Variants in ADAM11 observed in about 807,000 individuals in gnomAD.
The protein encoded by ADAM11 is disintegrin and metalloproteinase domain-containing protein 11.
In ADAM11, 49 loss-of-function variants were observed where a neutral mutation model predicts 119.1. The ratio of observed to expected loss-of-function variants is 0.41; its 90% confidence interval spans 0.33 to 0.52. ADAM11 has a LOEUF of 0.52. Ranked by LOEUF, ADAM11 falls within the 20% of genes least tolerant of loss-of-function variation. The pLI is 0.20. For missense variants in ADAM11, 777 were observed against 1,047.5 expected (o/e 0.74, Z 3.56); for synonymous variants, 364 against 408.0 (o/e 0.89, Z 1.30).
chr17:44,778,963 C>G (rs540350137), intron 25 of ADAM11, among the ~76,000 whole-genome samples: 4 of 152,192 alleles, frequency 2.6e-5, no homozygotes, highest in African/African-American at 9.6e-5. Context: ...TGGTCTAACC[C>G]CCTTAATGTG....
chr17:44,776,305 C>A lies in ADAM11; in HGVS notation c.1566+98C>A. The A allele has an allele frequency of 1.5e-6, 2 of 1,321,424 alleles. No homozygotes were observed. Among genetic ancestry groups the A allele is most frequent in the Non-Finnish European group, 2.2e-6 (2 of 929,146 alleles). The allele number at this position is 1,321,424 out of a possible 1,614,324, so 81.9% of individuals were successfully genotyped here. On this transcript the variant is annotated intron_variant, in intron 18 of 26. Transcript: ENST00000200557. The surrounding 1 kb of genome is among the most constrained non-coding windows in gnomAD (Gnocchi z 5.2). The stretch of plus-strand genomic sequence containing the variant: ...GACGAGTGCTCAGCACTCCCCTCCT[C>A]TCCACAGCTGGCATCGACCTCCACT...
At position 44,773,272 on chromosome 17, in the gene ADAM11, G is replaced by A. The variant is rs1010520122; in HGVS notation, c.837G>A (p.Glu279=). The A allele has an allele frequency of 6.2e-7, 1 of 1,613,838 alleles. No homozygotes were observed. The highest frequency in any genetic ancestry group is 8.5e-7 in the Non-Finnish European group (1 of 1,179,910). ...CATCTTCTCCCCAGATATACAAGGA[G>A]CAGCTCAACACTCGCATCGTCCTGG... The part of the protein sequence containing the change: ...VVNLADVIYK[E]QLNTRIVLVA... Residue 279 remains glutamate, a synonymous_variant, in exon 11 of 27, where the codon GAG becomes GAA. Coordinates refer to ENST00000200557, the MANE Select transcript of ADAM11 (RefSeq NM_002390.6). This position sits in a 1 kb window ranked among gnomAD's most constrained non-coding sequence, Gnocchi z 4.6.
chr17:44,764,005 C>T (rs546439052), intron 2 of ADAM11, among the ~76,000 whole-genome samples: 1 of 152,312 alleles, frequency 6.6e-6, no homozygotes, highest in Non-Finnish European at 1.5e-5. Context: ...GTGTGAGCCA[C>T]CTCACCCGGT....
intron 2 of ADAM11, among the ~76,000 whole-genome samples, chr17:44,763,299 G>A (rs2049410719): frequency 1.3e-5 from 2 of 152,232 alleles, no homozygotes; most frequent in African/African-American, 4.8e-5. Context: ...AACAGGCACA[G>A]AGAGGCAACG....
chr17:44,776,835 C>T lies in ADAM11; in HGVS notation c.1617+40C>T. Reference sequence around the variant, plus strand: ...CCCTGAGCCTGGGATTCAGGGCAGTCTCTTGTCTCCACTCTGACCACTCAG... The same window carrying T: ...CCCTGAGCCTGGGATTCAGGGCAGTTTCTTGTCTCCACTCTGACCACTCAG... On this transcript the variant is annotated intron_variant, in intron 19 of 26. Transcript: ENST00000200557. This position sits in a 1 kb window ranked among gnomAD's most constrained non-coding sequence, Gnocchi z 5.2. 2 of 1,614,024 alleles carry T rather than the reference C, an allele frequency of 1.2e-6. No individual in the cohort carries two copies. The highest frequency in any genetic ancestry group is 1.1e-5 in the South Asian group (1 of 91,076).
chr17:44,769,692 T>TC (rs1242068498), intron 2 of ADAM11, 26 bp from the exon 3 acceptor site: 3 of 1,563,684 alleles, frequency 1.9e-6, no homozygotes, highest in East Asian at 2.2e-5. Context: ...CTGGGTTGAC[T>TC]CCCCCTCTGC....
At chr17:44,764,091 T>A (rs2049420174) in intron 2 of ADAM11, among the ~76,000 whole-genome samples, 1 of 152,034 alleles carries the variant, frequency 6.6e-6, no homozygotes, top group Non-Finnish European at 1.5e-5. Flanking sequence ...CCAGACTCCT[T>A]GGGAACAAGG....
chr17:44,763,865 CA>C (rs2049417586), intron 2 of ADAM11, among the ~76,000 whole-genome samples: 1 of 151,972 alleles, frequency 6.6e-6, no homozygotes, highest in Non-Finnish European at 1.5e-5. Context: ...TACAGGCGTG[CA>C]CCACCACTTC....
Position 44,776,180 on chromosome 17 carries a change from G to T in ADAM11, c.1539G>T (p.Ala513=). 1.2e-6 allele frequency: 2 copies of T among 1,613,508 alleles called. No homozygotes were observed. Among genetic ancestry groups the T allele is most frequent in the Non-Finnish European group, 1.7e-6 (2 of 1,179,930 alleles). ...AGGCCGTGAACGAGTGCGACATCGCGGAGACCTGCACCGGGGACTCTAGCC... is the reference window on the plus strand; with the variant it reads ...AGGCCGTGAACGAGTGCGACATCGCTGAGACCTGCACCGGGGACTCTAGCC... ...CREAVNECDI[A]ETCTGDSSQC... is the part of the protein sequence containing the mutation. The change falls in exon 18 of 27, where the codon GCG becomes GCT. Residue 513 remains alanine (A), a synonymous_variant. Transcript: ENST00000200557. The surrounding 1 kb of genome is among the most constrained non-coding windows in gnomAD (Gnocchi z 5.2).
Position 44,777,309 on chromosome 17 carries a change from G to A in ADAM11, c.1781+44G>A, listed in dbSNP as rs768025079. On this transcript the variant is annotated intron_variant, in intron 21 of 26. Coordinates refer to ENST00000200557, the MANE Select transcript of ADAM11 (RefSeq NM_002390.6). The surrounding 1 kb of genome is among the most constrained non-coding windows in gnomAD (Gnocchi z 5.1). ...AGAGGGCCTCTCAGCTCCAGGGCAG[G>A]TGTGAGACTTTTCAGAGATGGGGCA... 4 of 1,568,064 alleles carry A rather than the reference G, an allele frequency of 2.6e-6. 1 individual carries two copies. The South Asian group carries it at 4.6e-5, about 18-fold the overall frequency.
Position 44,759,278 on chromosome 17 carries a change from G to T in ADAM11, c.61+18G>T. On this transcript the variant is annotated intron_variant, in intron 1 of 26. Transcript: ENST00000200557. Reference sequence around the variant, plus strand: ...CACGCCCGGTGAGTGACCCCCGCCCGGCCCCGGCGCCCCCTCCCTGCCCCC... The same window carrying T: ...CACGCCCGGTGAGTGACCCCCGCCCTGCCCCGGCGCCCCCTCCCTGCCCCC... The T allele has an allele frequency of 7.3e-7, 1 of 1,371,560 alleles. No homozygotes were observed. Among genetic ancestry groups the T allele is most frequent in the South Asian group, 1.6e-5 (1 of 61,958 alleles). 85.0% of individuals were successfully genotyped at this position (1,371,560 alleles called of 1,614,324 possible).
In ADAM11 at chr17:44,772,603, A is replaced by G; in HGVS notation, c.678+137A>G. 8.2e-7 allele frequency: 1 copy of G among 1,221,074 alleles called. No individual in the cohort carries two copies. Among genetic ancestry groups the G allele is most frequent in the Non-Finnish European group, 1.1e-6 (1 of 878,450 alleles). 75.6% of individuals were successfully genotyped at this position (1,221,074 alleles called of 1,614,324 possible). The stretch of plus-strand genomic sequence containing the variant: ...GCTCAGATGGATGTGGCTGGGGGCC[A>G]GGGACCGTGTCTGGGAGAAGCCCCC... On this transcript the variant is annotated intron_variant, in intron 8 of 26. Coordinates refer to ENST00000200557, the MANE Select transcript of ADAM11 (RefSeq NM_002390.6). This position sits in a 1 kb window ranked among gnomAD's most constrained non-coding sequence, Gnocchi z 4.5.
intron 3 of ADAM11, 91 bp downstream of exon 3, chr17:44,769,885 C>A (rs2049497252): frequency 2.5e-6 from 4 of 1,603,240 alleles, no homozygotes; most frequent in Non-Finnish European, 3.4e-6. Flanking sequence ...GGGGGTTGGG[C>A]CTGGGCAGAG....
chr17:44,764,142 G>A (rs550366218), intron 2 of ADAM11, among the ~76,000 whole-genome samples: 2 of 152,302 alleles, frequency 1.3e-5, no homozygotes, highest in African/African-American at 4.8e-5. Flanking sequence ...TCAGGGGTGA[G>A]GAGGTCGCAG....
Position 44,773,646 on chromosome 17 carries a change from T to G in ADAM11, c.992+219T>G, listed in dbSNP as rs868306231. ...TTAGCCCTGGTGGTCCTCTTCTGCCTCTCACCTCCCCTTAGTTCTGTCTTT... is the reference window on the plus strand; with the variant it reads ...TTAGCCCTGGTGGTCCTCTTCTGCCGCTCACCTCCCCTTAGTTCTGTCTTT... On this transcript the variant is annotated intron_variant, in intron 11 of 26. Transcript: ENST00000200557. This position sits in a 1 kb window ranked among gnomAD's most constrained non-coding sequence, Gnocchi z 4.6. Among the ~76,000 whole-genome samples the G allele has an allele frequency of 8.5e-5, 13 of 152,122 alleles. No individual in the cohort carries two copies. Among genetic ancestry groups the G allele is most frequent in the South Asian group, 2.1e-4 (1 of 4,826 alleles).
chr17:44,771,919 G>T (rs2049529404), intron 6 of ADAM11, 88 bp downstream of exon 6: 2 of 1,453,400 alleles, frequency 1.4e-6, no homozygotes, highest in South Asian at 2.5e-5. Context: ...TTCCTCCTCC[G>T]GCTCCTCCCT....
Position 44,771,640 on chromosome 17 carries a change from C to G in ADAM11, c.438C>G (p.Phe146Leu). The G allele has an allele frequency of 6.2e-7, 1 of 1,611,368 alleles. No homozygotes were observed. Among genetic ancestry groups the G allele is most frequent in the African/African-American group, 1.3e-5 (1 of 74,896 alleles). The change falls in exon 5 of 27, where the codon TTC (phenylalanine) becomes TTG (leucine). Residue 146 changes from phenylalanine (F) to leucine (L), a missense_variant. Physicochemically the swap from Phe to Leu is conservative, Grantham distance 22. This residue lies in a region of ADAM11 where 278 missense variants were observed against 310.1 expected (regional missense o/e 0.90). Transcript: ENST00000200557. ...AGCTCCGGGGGAACCCGCACTCCTT[C>G]GCCGCCCTCTCCACCTGCCAGGGGC... is the stretch of plus-strand genomic sequence containing the variant. ...QGKLRGNPHS[F>L]AALSTCQGLH... is the part of the protein sequence containing the mutation.
At position 44,773,500 on chromosome 17, in the gene ADAM11, C is replaced by T. The variant is rs907098928; in HGVS notation, c.992+73C>T. Reference sequence around the variant, plus strand: ...AGTGCTTGGGATTACTTAACACCTGCCCTGTGCTGGCTGCTCCTCTCAGAG... The same window carrying T: ...AGTGCTTGGGATTACTTAACACCTGTCCTGTGCTGGCTGCTCCTCTCAGAG... On this transcript the variant is annotated intron_variant, in intron 11 of 26. Coordinates refer to ENST00000200557, the MANE Select transcript of ADAM11 (RefSeq NM_002390.6). This position sits in a 1 kb window ranked among gnomAD's most constrained non-coding sequence, Gnocchi z 4.6. The T allele has an allele frequency of 4.9e-5, 76 of 1,537,150 alleles. No homozygotes were observed. In the Admixed American group the frequency reaches 5.2e-4, roughly 11 times the overall value.
At chr17:44,764,259 C>A (rs1386656703) in intron 2 of ADAM11, among the ~76,000 whole-genome samples, 1 of 152,222 alleles carries the variant, frequency 6.6e-6, no homozygotes, top group Non-Finnish European at 1.5e-5. Context: ...GGAAGCACCA[C>A]CCCAGAAGCC....
Sources: allele counts gnomAD v4.1 joint callset (sites outside exome capture counted in the v4.1 genomes callset), GRCh38; gene constraint gnomAD v4.1.1; regional missense constraint gnomAD v4.1.1; non-coding constraint Gnocchi (gnomAD v3.1); transcripts MANE v1.5; gene names NCBI Gene and HGNC (gene_info 2026-07-23, HGNC 2026-07-21).